QTGAL: variants seen among roughly 807,000 people sequenced by gnomAD.
The protein encoded by QTGAL is BGnT-like protein 1.
the QTGAL span, among the ~76,000 whole-genome samples, chr17:83,007,913 G>A: frequency 6.6e-6 from 1 of 152,218 alleles, no homozygotes; most frequent in African/African-American, 2.4e-5. Context: ...CTTGGAAGAA[G>A]GCAGCAAGCT....
At chr17:83,041,326 G>A in the QTGAL span, among the ~76,000 whole-genome samples, 1 of 152,092 alleles carries the variant, frequency 6.6e-6, no homozygotes, top group African/African-American at 2.4e-5. Flanking sequence ...CAGAAAAAAA[G>A]TTTGAAAAAA....
At chr17:83,028,326 C>T in the QTGAL span, among the ~76,000 whole-genome samples, 1 of 151,408 alleles carries the variant, frequency 6.6e-6, no homozygotes, top group Non-Finnish European at 1.5e-5. Flanking sequence ...AGATCGAGAC[C>T]ATCCTGGCTA....
chr17:82,955,797 C>T, the QTGAL span, among the ~76,000 whole-genome samples: 3 of 152,048 alleles, frequency 2.0e-5, no homozygotes, highest in Admixed American at 6.5e-5. Flanking sequence ...GCACATATAG[C>T]CCATGGAATA....
At chr17:82,952,448 A>T in the QTGAL span, among the ~76,000 whole-genome samples, 1 of 152,230 alleles carries the variant, frequency 6.6e-6, no homozygotes, top group African/African-American at 2.4e-5. Flanking sequence ...ACCAATGAAG[A>T]TTAAAAAAGA....
chr17:82,967,764 A>AAAT, the QTGAL span, among the ~76,000 whole-genome samples: 5 of 150,444 alleles, frequency 3.3e-5, no homozygotes, highest in South Asian at 2.1e-4. Flanking sequence ...GCAACTCTAC[A>AAAT]AATAATAATA....
At chr17:83,014,149 G>A in the QTGAL span, among the ~76,000 whole-genome samples, 2 of 152,216 alleles carry the variant, frequency 1.3e-5, no homozygotes, top group African/African-American at 2.4e-5. Context: ...CTGTGAACAC[G>A]GTATAGCTCT....
chr17:83,005,932 T>G, the QTGAL span: 1 of 1,252,416 alleles, frequency 8.0e-7, no homozygotes, highest in Non-Finnish European at 1.0e-6. This position sits in a 1 kb window ranked among gnomAD's most constrained non-coding sequence, Gnocchi z 5.6. Context: ...TCTGTTCTGC[T>G]CCTGAGATCC....
the QTGAL span, chr17:82,981,518 A>G: frequency 6.6e-6 from 1 of 152,390 alleles, no homozygotes; most frequent in African/African-American, 2.4e-5. Flanking sequence ...TTCACCCATT[A>G]TCTTCATGCT....
At chr17:82,957,501 T>C in the QTGAL span, 1 of 1,597,292 alleles carries the variant, frequency 6.3e-7, no homozygotes, top group South Asian at 1.1e-5. Context: ...CGTCCTGCGG[T>C]GGAGAAGAGG....
chr17:83,022,147 C>T, the QTGAL span, among the ~76,000 whole-genome samples: 9 of 152,326 alleles, frequency 5.9e-5, no homozygotes, highest in East Asian at 1.9e-4. Context: ...GGTTCTTAGA[C>T]GGGACACAAA....
chr17:82,979,633 C>A, the QTGAL span, among the ~76,000 whole-genome samples: 124,189 of 151,950 alleles, frequency 0.82, 51,105 homozygotes, highest in African/African-American at 0.92. Context: ...CAGTGGAGGA[C>A]GGGACAAATA....
chr17:83,042,724 C>G, the QTGAL span, among the ~76,000 whole-genome samples: 24,373 of 152,090 alleles, frequency 0.16, 2,123 homozygotes, highest in African/African-American at 0.24. Flanking sequence ...TGTAAATGGA[C>G]TAAATTCTCC....
At chr17:82,974,046 C>T in the QTGAL span, among the ~76,000 whole-genome samples, 8 of 152,220 alleles carry the variant, frequency 5.3e-5, no homozygotes, top group Non-Finnish European at 1.0e-4. Context: ...CAGCACTCCA[C>T]GCTCCATGGG....
the QTGAL span, among the ~76,000 whole-genome samples, chr17:83,031,400 G>A: frequency 6.6e-6 from 1 of 151,570 alleles, no homozygotes; most frequent in Admixed American, 6.6e-5. Flanking sequence ...AGCGACGGCC[G>A]CCAGAGCACC....
the QTGAL span, among the ~76,000 whole-genome samples, chr17:83,012,925 T>C: frequency 1.3e-5 from 2 of 150,294 alleles, no homozygotes; most frequent in Admixed American, 1.3e-4. Context: ...GGGCCCCCCG[T>C]CCCACCCGAC....
At chr17:83,005,807 C>A in the QTGAL span, 1 of 1,151,442 alleles carries the variant, frequency 8.7e-7, no homozygotes, top group South Asian at 1.7e-5. The surrounding 1 kb of genome is among the most constrained non-coding windows in gnomAD (Gnocchi z 5.6). Flanking sequence ...CCCTGCAGAG[C>A]CTCAGAGCAT....
the QTGAL span, among the ~76,000 whole-genome samples, chr17:82,983,576 T>G: frequency 1.3e-5 from 2 of 152,286 alleles, no homozygotes; most frequent in African/African-American, 2.4e-5. Context: ...TTCTCATTCC[T>G]GCCGACCTGT....
At chr17:82,958,956 A>ATG in the QTGAL span, among the ~76,000 whole-genome samples, 1 of 50,006 alleles carries the variant, frequency 2.0e-5, no homozygotes, top group Non-Finnish European at 3.3e-5. Context: ...GTGGGGGTGT[A>ATG]TGTGTGTGTG....
the QTGAL span, chr17:82,960,325 G>C: frequency 6.6e-6 from 1 of 152,278 alleles, no homozygotes; most frequent in Non-Finnish European, 1.5e-5. Flanking sequence ...CATGACCCTA[G>C]TTGGGGTCTT....
Sources: allele counts gnomAD v4.1 joint callset (sites outside exome capture counted in the v4.1 genomes callset), GRCh38; gene constraint gnomAD v4.1.1; non-coding constraint Gnocchi (gnomAD v3.1); transcripts MANE v1.5; gene names NCBI Gene and HGNC (gene_info 2026-07-23, HGNC 2026-07-21).